Variants in UBE3A observed in about 807,000 individuals in gnomAD.
UBE3A encodes ubiquitin protein ligase E3A, also known as ubiquitin-protein ligase E3A.
UBE3A carries 6 observed loss-of-function variants against 83.4 expected under a neutral mutation model. That is an observed-to-expected ratio of 0.07 (90% CI 0.04 to 0.14). The LOEUF (loss-of-function observed/expected upper bound fraction) is 0.14, where lower values mean the gene tolerates loss of function less well. UBE3A is among the 10% of genes least tolerant of loss of function. The pLI, the probability that UBE3A is intolerant of heterozygous loss-of-function variation, is 1.00. For missense variants in UBE3A, 456 were observed against 1,036.1 expected (o/e 0.44, Z 7.69); for synonymous variants, 337 against 355.4 (o/e 0.95, Z 0.58).
At chr15:25,434,036 T>C (rs763663832) in intron 1 of UBE3A, among the ~76,000 whole-genome samples, 2 of 152,150 alleles carry the variant, frequency 1.3e-5, no homozygotes, top group African/African-American at 4.8e-5. Context: ...CACTCCAACT[T>C]GGGCAACACA....
chr15:25,387,353 C>G (rs1417544171), intron 4 of UBE3A, among the ~76,000 whole-genome samples: 3 of 152,012 alleles, frequency 2.0e-5, no homozygotes, highest in Non-Finnish European at 2.9e-5. Context: ...AACCCCGTCT[C>G]TACTAAAAAT....
rs1346291587 is a variant in UBE3A, at chr15:25,336,473, C to T, written c.*2664G>A. On this transcript the variant is annotated 3_prime_UTR_variant, in exon 13 of 13. Coordinates refer to ENST00000648336, the MANE Select transcript of UBE3A (RefSeq NM_130839.5). Reference sequence around the variant, plus strand: ...TGCTGCCCCATTACAACCATCTGTTCTAACAGAATGTCTGTACCGAGGAGG... The same window carrying T: ...TGCTGCCCCATTACAACCATCTGTTTTAACAGAATGTCTGTACCGAGGAGG... 1 of 152,292 alleles carries T rather than the reference C, an allele frequency of 6.6e-6. No individual in the cohort carries two copies. Among genetic ancestry groups the T allele is most frequent in the African/African-American group, 2.4e-5 (1 of 41,564 alleles). 9.4% of individuals were successfully genotyped at this position (152,292 alleles called of 1,614,324 possible).
At chr15:25,388,251 G>C (rs1424742375) in intron 4 of UBE3A, among the ~76,000 whole-genome samples, 1 of 152,156 alleles carries the variant, frequency 6.6e-6, no homozygotes, top group African/African-American at 2.4e-5. Flanking sequence ...TTACTACAAT[G>C]TATAAAAAGA....
In UBE3A at chr15:25,354,271, G is replaced by A. The variant is rs1015896378; in HGVS notation, c.2354+82C>T. The A allele has an allele frequency of 6.5e-6, 8 of 1,226,924 alleles. No individual in the cohort carries two copies. In the Admixed American group the frequency reaches 1.2e-4, roughly 18 times the overall value. The allele number at this position is 1,226,924 out of a possible 1,614,324, so 76.0% of individuals were successfully genotyped here. On this transcript the variant is annotated intron_variant, in intron 11 of 12. Transcript: ENST00000648336. ...TGTGAGTTTGCTTATTTGGGAATTAGTACCTAGAGATAAAGGTCTGAAGCA... is the reference window on the plus strand; with the variant it reads ...TGTGAGTTTGCTTATTTGGGAATTAATACCTAGAGATAAAGGTCTGAAGCA...
chr15:25,384,614 C>T (rs2082776760), intron 4 of UBE3A, among the ~76,000 whole-genome samples: 1 of 151,786 alleles, frequency 6.6e-6, no homozygotes, highest in East Asian at 1.9e-4. Flanking sequence ...AAATTCAAAG[C>T]AATCCCTATC....
At chr15:25,427,965 T>C (rs993291830) in intron 1 of UBE3A, among the ~76,000 whole-genome samples, 11 of 152,102 alleles carry the variant, frequency 7.2e-5, no homozygotes, top group African/African-American at 2.7e-4. Flanking sequence ...GCCATTATGT[T>C]AAGTGAAATA....
intron 1 of UBE3A, 170 bp downstream of exon 1, chr15:25,438,318 CA>C (rs1333219209): frequency 6.6e-6 from 1 of 152,398 alleles, no homozygotes; most frequent in East Asian, 1.9e-4. Context: ...CCGCGGCCAC[CA>C]GGGGCCTACT....
chr15:25,398,898 T>C (rs2153007700), intron 4 of UBE3A, among the ~76,000 whole-genome samples: 1 of 148,606 alleles, frequency 6.7e-6, no homozygotes, highest in Non-Finnish European at 1.5e-5. Flanking sequence ...CATGCTATTT[T>C]CCATAAATGC....
intron 1 of UBE3A, among the ~76,000 whole-genome samples, chr15:25,413,336 T>C (rs1358964487): frequency 6.6e-6 from 1 of 152,202 alleles, no homozygotes; most frequent in African/African-American, 2.4e-5. Context: ...CACCTCCTTC[T>C]AAAGCTGTTT....
intron 6 of UBE3A, among the ~76,000 whole-genome samples, chr15:25,362,135 G>A (rs1194181573): frequency 6.6e-6 from 1 of 152,170 alleles, no homozygotes; most frequent in Non-Finnish European, 1.5e-5. Context: ...TGTACAGATG[G>A]ATAAGCATGT....
Position 25,396,123 on chromosome 15 carries a change from T to C in UBE3A, c.62+9338A>G, listed in dbSNP as rs576263043. Among the ~76,000 whole-genome samples, 5 of 150,926 alleles carry C rather than the reference T, an allele frequency of 3.3e-5. No individual in the cohort carries two copies. In the East Asian group the frequency reaches 1.0e-3, roughly 30 times the overall value. On this transcript the variant is annotated intron_variant, in intron 4 of 12. Transcript: ENST00000648336. ...TGGCTGAGGCAGGAGAATTGCTTCA[T>C]CCTGGGAGGCAGGGGTTGCAGTGAG...
rs79688754 is a variant in UBE3A, at chr15:25,339,492, T to C, written c.2499-235A>G. On this transcript the variant is annotated intron_variant, in intron 12 of 12. Transcript: ENST00000648336. ...CTGTATCCATTGAGTTTTTACTACA[T>C]AACAGATACCATTTTAGGTACTGAA... 1.1e-3 allele frequency: 424 copies of C among 395,254 alleles called. 3 individuals carry two copies. The highest frequency in any genetic ancestry group is 4.8e-3 in the African/African-American group (234 of 48,532). 24.5% of individuals were successfully genotyped at this position (395,254 alleles called of 1,614,324 possible). A position where few individuals can be genotyped will look rare whatever the true frequency, so the allele number is the denominator to read the frequency against.
At chr15:25,376,027 G>T (rs534041983) in intron 4 of UBE3A, among the ~76,000 whole-genome samples, 3 of 152,080 alleles carry the variant, frequency 2.0e-5, no homozygotes, top group South Asian at 2.1e-4. Flanking sequence ...GGTTTAAAAG[G>T]GGGGAGGGGG....
intron 11 of UBE3A, among the ~76,000 whole-genome samples, chr15:25,352,346 A>G (rs2076628671): frequency 6.6e-6 from 1 of 152,356 alleles, no homozygotes; most frequent in Non-Finnish European, 1.5e-5. Context: ...AAATATCTAT[A>G]CAGGCATACC....
At chr15:25,389,439 T>C (rs965335193) in intron 4 of UBE3A, among the ~76,000 whole-genome samples, 1 of 152,142 alleles carries the variant, frequency 6.6e-6, no homozygotes, top group Non-Finnish European at 1.5e-5. Context: ...GTACCAACCA[T>C]GAAGAAAAGA....
rs573601411 is a variant in UBE3A at position 25,402,620 on chromosome 15, A to G, written c.62+2841T>C. ...TTGGGGCCATGGGGGCCTGCCTAGC[A>G]TTGAGTTTTACTGGGGCGAGCTCAA... On this transcript the variant is annotated intron_variant, in intron 4 of 12. Coordinates refer to ENST00000648336, the MANE Select transcript of UBE3A (RefSeq NM_130839.5). Among the ~76,000 whole-genome samples the G allele has an allele frequency of 3.0e-4, 46 of 152,232 alleles. 1 individual carries two copies. The Middle Eastern group carries it at 0.014, about 45-fold the overall frequency.
intron 11 of UBE3A, among the ~76,000 whole-genome samples, chr15:25,343,238 T>C (rs1175339116): frequency 6.6e-6 from 1 of 152,156 alleles, no homozygotes; most frequent in Non-Finnish European, 1.5e-5. Context: ...AAAGTTATTA[T>C]GGGAAGAGTC....
At chr15:25,436,986 A>C (rs116154412) in intron 1 of UBE3A, among the ~76,000 whole-genome samples, 1 of 152,212 alleles carries the variant, frequency 6.6e-6, no homozygotes, top group Non-Finnish European at 1.5e-5. Flanking sequence ...TGTAAAGATT[A>C]TAAGTTACCT....
At chr15:25,365,701 T>C (rs1432769606) in intron 6 of UBE3A, among the ~76,000 whole-genome samples, 4 of 147,338 alleles carry the variant, frequency 2.7e-5, no homozygotes, top group Non-Finnish European at 4.4e-5. Flanking sequence ...TGAGCCAAGA[T>C]TGCGCCACTG....
Sources: gnomAD v4.1 joint callset for allele counts (sites outside exome capture counted in the v4.1 genomes callset) on GRCh38, gnomAD v4.1.1 for gene constraint, MANE v1.5 for transcripts, NCBI Gene and HGNC (gene_info 2026-07-23, HGNC 2026-07-21) for gene names.